ERAP1: variants seen among roughly 807,000 people sequenced by gnomAD.
ERAP1 encodes endoplasmic reticulum aminopeptidase 1.
In ERAP1, 86 loss-of-function variants were observed where a neutral mutation model predicts 103.7. That is an observed-to-expected ratio of 0.83 (90% CI 0.70 to 0.99). The LOEUF (loss-of-function observed/expected upper bound fraction) is 0.99. Ranked by LOEUF, ERAP1 falls within the 50% of genes least tolerant of loss-of-function variation. The pLI, the probability that ERAP1 is intolerant of heterozygous loss-of-function variation, is 0.00. For missense variants in ERAP1, 1,009 were observed against 1,128.4 expected (o/e 0.89, Z 1.52); for synonymous variants, 398 against 402.4 (o/e 0.99, Z 0.13).
At chr5:96,791,845 C>T (rs1776763286) in intron 8 of ERAP1, among the ~76,000 whole-genome samples, 1 of 152,000 alleles carries the variant, frequency 6.6e-6, no homozygotes, top group Non-Finnish European at 1.5e-5. Flanking sequence ...ATTTTCAACC[C>T]AAGAAAGAAT....
At chr5:96,840,196 T>C in the ERAP1 span, among the ~76,000 whole-genome samples, 3 of 152,376 alleles carry the variant, frequency 2.0e-5, no homozygotes, top group East Asian at 5.8e-4. Context: ...CTTAGATCTG[T>C]ACTGTCTGTC....
chr5:96,770,583 A>C (rs1288996236), downstream of ERAP1: 3 of 1,612,386 alleles, frequency 1.9e-6, no homozygotes, highest in South Asian at 1.1e-5. Context: ...AATGGAGGTA[A>C]AGCGAAGGAT....
chr5:96,849,423 A>C, the ERAP1 span, among the ~76,000 whole-genome samples: 1 of 152,336 alleles, frequency 6.6e-6, no homozygotes, highest in Non-Finnish European at 1.5e-5. Context: ...GTAAAGTAGC[A>C]GGTCACAAAA....
At chr5:96,902,378 G>T in the ERAP1 span, 3 of 1,410,738 alleles carry the variant, frequency 2.1e-6, no homozygotes, top group South Asian at 1.2e-5. Flanking sequence ...AGCCAAACAG[G>T]TATTTCAATG....
chr5:96,760,887 C>T (rs910192832), exon 20 of ERAP1: 10 of 151,618 alleles, frequency 6.6e-5, no homozygotes, highest in East Asian at 3.8e-4. Context: ...ATGATACATT[C>T]GGAAAATAAA....
intron 17 of ERAP1, 112 bp from the exon 18 acceptor site, chr5:96,780,616 A>G (rs1458336596): frequency 1.2e-5 from 10 of 821,710 alleles, no homozygotes; most frequent in Non-Finnish European, 2.1e-5. Flanking sequence ...CGGTGTGAAA[A>G]ATACAAAATA....
the ERAP1 span, among the ~76,000 whole-genome samples, chr5:96,930,434 C>T: frequency 6.6e-6 from 1 of 152,196 alleles, no homozygotes; most frequent in Non-Finnish European, 1.5e-5. Context: ...ATATTCATGA[C>T]TCCTCCTATA....
chr5:96,793,722 T>G (rs571712133), intron 6 of ERAP1, 81 bp downstream of exon 6: 164 of 1,335,144 alleles, frequency 1.2e-4, no homozygotes, highest in Non-Finnish European at 1.6e-4. Context: ...AAAGTAAAAA[T>G]TATATAAATA....
At chr5:96,853,395 T>C in the ERAP1 span, among the ~76,000 whole-genome samples, 8 of 152,268 alleles carry the variant, frequency 5.3e-5, 1 homozygote, top group East Asian at 1.5e-3. Flanking sequence ...AATTCTATGA[T>C]TCCAGGACAG....
chr5:96,934,070 C>A, the ERAP1 span: 1 of 152,252 alleles, frequency 6.6e-6, no homozygotes, highest in Non-Finnish European at 1.5e-5. Flanking sequence ...GAACTCTAAA[C>A]ACCACTATGT....
At chr5:96,842,510 G>T in the ERAP1 span, among the ~76,000 whole-genome samples, 3 of 152,146 alleles carry the variant, frequency 2.0e-5, no homozygotes, top group African/African-American at 7.2e-5. Flanking sequence ...ATTGCATTGT[G>T]GTTTTGATTT....
At chr5:96,922,916 T>C in the ERAP1 span, among the ~76,000 whole-genome samples, 1 of 152,266 alleles carries the variant, frequency 6.6e-6, no homozygotes, top group Non-Finnish European at 1.5e-5. Flanking sequence ...ATTATTCTTC[T>C]AGTTTCAAAC....
At chr5:96,860,950 C>CTTTCT in the ERAP1 span, among the ~76,000 whole-genome samples, 1 of 151,286 alleles carries the variant, frequency 6.6e-6, no homozygotes, top group African/African-American at 2.4e-5. Flanking sequence ...TCATGTAGAG[C>CTTTCT]TTTCTTTTCT....
chr5:96,871,761 C>T, the ERAP1 span, among the ~76,000 whole-genome samples: 3 of 152,100 alleles, frequency 2.0e-5, no homozygotes, highest in Non-Finnish European at 2.9e-5. Flanking sequence ...ATTTTTATGG[C>T]GGCATTTTTC....
At chr5:96,873,319 T>C in the ERAP1 span, 3 of 456,154 alleles carry the variant, frequency 6.6e-6, no homozygotes, top group East Asian at 2.1e-4. Flanking sequence ...TGCGCAACAC[T>C]GATAGGTGCT....
At chr5:96,842,417 G>A in the ERAP1 span, among the ~76,000 whole-genome samples, 2 of 152,118 alleles carry the variant, frequency 1.3e-5, no homozygotes, top group Non-Finnish European at 2.9e-5. Context: ...GTGTAAAAGT[G>A]TTCTATTTTC....
At chr5:96,907,913 C>T in the ERAP1 span, among the ~76,000 whole-genome samples, 1 of 151,814 alleles carries the variant, frequency 6.6e-6, no homozygotes, top group East Asian at 1.9e-4. Flanking sequence ...ATATGGCAGA[C>T]CACAGAATCA....
rs145290126 is a variant in ERAP1 at position 96,783,095 on chromosome 5, T to C, written c.2241A>G (p.Ala747=). Residue 747 remains alanine (A), a synonymous_variant, in exon 15 of 19, where the codon GCA becomes GCG. Coordinates refer to ENST00000443439, the MANE Select transcript of ERAP1 (RefSeq NM_001040458.3). The part of the protein sequence containing the change: ...VHNYQPCVQR[A]EGYFRKWKES... ...CCTTCCACTTTCTGAAATAGCCTTC[T>C]GCCCTCTGTACGCACGGCTGATAGT... The C allele has an allele frequency of 1.9e-6, 3 of 1,614,254 alleles. No individual in the cohort carries two copies. Among genetic ancestry groups the C allele is most frequent in the African/African-American group, 1.3e-5 (1 of 75,068 alleles).
the ERAP1 span, among the ~76,000 whole-genome samples, chr5:96,878,930 A>G: frequency 6.6e-6 from 1 of 152,150 alleles, no homozygotes; most frequent in African/African-American, 2.4e-5. Context: ...CGTCTCAAAA[A>G]CATAAATAAA....
Sources: allele counts gnomAD v4.1 joint callset (sites outside exome capture counted in the v4.1 genomes callset), GRCh38; gene constraint gnomAD v4.1.1; transcripts MANE v1.5; gene names NCBI Gene and HGNC (gene_info 2026-07-23, HGNC 2026-07-21).